The following SH3GL3 variants were observed in gnomAD, a reference collection of about 807,000 sequenced individuals.
The protein encoded by SH3GL3 is endophilin-A3.
Under a neutral mutation model 47.7 loss-of-function variants are expected in SH3GL3, and 33 were observed. The observed-to-expected ratio is 0.69, with a 90% CI of 0.52 to 0.92. The LOEUF is 0.92. Among genes scored for constraint, SH3GL3 ranks in the 40% least tolerant of loss-of-function variants. The pLI is 0.00. For synonymous variants in SH3GL3, 155 were observed against 148.8 expected, an observed-to-expected ratio of 1.04 and a Z score of -0.30; for missense variants, 363 against 417.8, an observed-to-expected ratio of 0.87 and a Z score of 1.14.
At chr15:83,621,810 T>C (rs1382397216), downstream of SH3GL3, among the ~76,000 whole-genome samples, 1 of 152,212 alleles carries the variant, frequency 6.6e-6, no homozygotes, top group African/African-American at 2.4e-5. Flanking sequence ...CACACTTAAG[T>C]GTTCACCCAA....
intron 8 of SH3GL3, among the ~76,000 whole-genome samples, chr15:83,598,399 C>T (rs1020040105): frequency 2.6e-5 from 4 of 152,244 alleles, no homozygotes; most frequent in Non-Finnish European, 5.9e-5. Context: ...TTTCCATCTT[C>T]CAGGCATTCT....
At chr15:83,524,583 C>T (rs1316858156) in intron 1 of SH3GL3, among the ~76,000 whole-genome samples, 1 of 151,944 alleles carries the variant, frequency 6.6e-6, no homozygotes, top group East Asian at 1.9e-4. Context: ...TTATAGTCAC[C>T]CTACTCTGTT....
chr15:83,502,430 A>C (rs1350979114), intron 1 of SH3GL3, among the ~76,000 whole-genome samples: 1 of 152,256 alleles, frequency 6.6e-6, no homozygotes, highest in East Asian at 1.9e-4. Flanking sequence ...TACTTCCTGG[A>C]TTCAGCATGT....
At chr15:83,550,991 G>T (rs1374143858) in intron 1 of SH3GL3, among the ~76,000 whole-genome samples, 1 of 152,202 alleles carries the variant, frequency 6.6e-6, no homozygotes, top group Admixed American at 6.5e-5. Flanking sequence ...AAGGGAAGAA[G>T]ATGGAGACGC....
chr15:83,505,162 T>C (rs2151615562), intron 1 of SH3GL3, among the ~76,000 whole-genome samples: 1 of 152,282 alleles, frequency 6.6e-6, no homozygotes, highest in Admixed American at 6.5e-5. Flanking sequence ...TTTGAGACTA[T>C]TATGAAAACT....
At chr15:83,524,221 A>G (rs377295141) in intron 1 of SH3GL3, among the ~76,000 whole-genome samples, 12 of 152,342 alleles carry the variant, frequency 7.9e-5, no homozygotes, top group African/African-American at 2.6e-4. Flanking sequence ...TAAAAGTTTC[A>G]GCACATACAA....
intron 3 of SH3GL3, among the ~76,000 whole-genome samples, chr15:83,566,363 A>T (rs868183757): frequency 3.3e-4 from 42 of 128,314 alleles, no homozygotes; most frequent in South Asian, 5.6e-4. Flanking sequence ...AGAGAGAGAG[A>T]GAGTGTGTGT....
rs1050789 is a variant in SH3GL3 at position 83,618,467 on chromosome 15, T to A, written c.*180T>A. ...ATTTGTATAAATGATTTTCTTGTCC[T>A]TGCTACATGAAAATATTTTCTTTTT... On this transcript the variant is annotated 3_prime_UTR_variant, in exon 9 of 9. Coordinates refer to ENST00000427482, the MANE Select transcript of SH3GL3 (RefSeq NM_003027.5). The A allele has an allele frequency of 5.5e-6, 3 of 547,180 alleles. No homozygotes were observed. Among genetic ancestry groups the A allele is most frequent in the Non-Finnish European group, 9.6e-6 (3 of 312,460 alleles). The allele number at this position is 547,180 out of a possible 1,614,324, so 33.9% of individuals were successfully genotyped here.
intron 4 of SH3GL3, among the ~76,000 whole-genome samples, chr15:83,570,815 TA>T (rs1317856513): frequency 1.3e-5 from 2 of 152,242 alleles, no homozygotes; most frequent in Admixed American, 6.5e-5. Context: ...ATGTGAATTT[TA>T]TTTTATTCTA....
chr15:83,571,027 A>G (rs1286303863), intron 4 of SH3GL3, among the ~76,000 whole-genome samples: 1 of 152,212 alleles, frequency 6.6e-6, no homozygotes, highest in Non-Finnish European at 1.5e-5. Context: ...AGCTGATGTC[A>G]GCAGGGCATC....
intron 1 of SH3GL3, among the ~76,000 whole-genome samples, chr15:83,481,041 C>T (rs1005275779): frequency 1.7e-4 from 26 of 151,920 alleles, no homozygotes; most frequent in African/African-American, 4.6e-4. Context: ...TTTGGGAGGC[C>T]GAGGCGGGCG....
At chr15:83,629,383 G>C in the SH3GL3 span, among the ~76,000 whole-genome samples, 1 of 152,314 alleles carries the variant, frequency 6.6e-6, no homozygotes, top group South Asian at 2.1e-4. Context: ...AAAGAGTCTA[G>C]AAATAGACTT....
At chr15:83,535,095 T>TA (rs202168897) in intron 1 of SH3GL3, among the ~76,000 whole-genome samples, 13 of 139,872 alleles carry the variant, frequency 9.3e-5, no homozygotes, top group Non-Finnish European at 1.3e-4. Context: ...ACCATCTATG[T>TA]AAAAAAAAGG....
At position 83,523,215 on chromosome 15, in the gene SH3GL3, C is replaced by G. The variant is rs1270714787; in HGVS notation, c.46-36038C>G. ...TCTCAAAATAGACCAACAGTATATT[C>G]CATTGTTACTATTTATTTGCTGCAA... On this transcript the variant is annotated intron_variant, in intron 1 of 8. Transcript: ENST00000427482. 5.3e-5 allele frequency among the ~76,000 whole-genome samples: 8 copies of G among 152,158 alleles called. No individual in the cohort carries two copies. In the East Asian group the frequency reaches 7.7e-4, roughly 15 times the overall value.
At chr15:83,565,027 T>C in intron 2 of SH3GL3, 107 bp from the exon 3 acceptor site, 1 of 548,494 alleles carries the variant, frequency 1.8e-6, no homozygotes, top group Non-Finnish European at 3.2e-6. Context: ...AAAATCATCA[T>C]AATCGTGTTA....
intron 1 of SH3GL3, among the ~76,000 whole-genome samples, chr15:83,488,724 A>T (rs2041727257): frequency 6.6e-6 from 1 of 152,226 alleles, no homozygotes; most frequent in African/African-American, 2.4e-5. Flanking sequence ...CCCCCTGCCC[A>T]GCTGCCTCTG....
At chr15:83,546,202 T>C (rs970066125) in intron 1 of SH3GL3, among the ~76,000 whole-genome samples, 1 of 151,050 alleles carries the variant, frequency 6.6e-6, no homozygotes, top group Non-Finnish European at 1.5e-5. Context: ...AGGAGTCTGC[T>C]TGATGCTTTA....
rs181340489 is a variant in SH3GL3 at position 83,480,745 on chromosome 15, A to G, written c.45+33167A>G. ...AATAACAACTATTTATTTAGCATTT[A>G]CATTATATTAGCTATTATAAGTAAT... is the stretch of plus-strand genomic sequence containing the variant. On this transcript the variant is annotated intron_variant, in intron 1 of 8. Coordinates refer to ENST00000427482, the MANE Select transcript of SH3GL3 (RefSeq NM_003027.5). 3.0e-3 allele frequency among the ~76,000 whole-genome samples: 461 copies of G among 152,356 alleles called. 1 individual carries two copies. Among genetic ancestry groups the G allele is most frequent in the Admixed American group, 9.0e-3 (137 of 15,298 alleles).
chr15:83,462,166 C>T (rs2040331908), intron 1 of SH3GL3, among the ~76,000 whole-genome samples: 2 of 152,102 alleles, frequency 1.3e-5, no homozygotes, highest in Non-Finnish European at 2.9e-5. Flanking sequence ...ATATGTGGGC[C>T]ACACAGAAAG....
Sources: gnomAD v4.1 joint callset for allele counts (sites outside exome capture counted in the v4.1 genomes callset) on GRCh38, gnomAD v4.1.1 for gene constraint, MANE v1.5 for transcripts, NCBI Gene and HGNC (gene_info 2026-07-23, HGNC 2026-07-21) for gene names.